The following IRAK2 variants were observed in gnomAD, a reference collection of about 807,000 sequenced individuals.
The protein encoded by IRAK2 is interleukin-1 receptor-associated kinase-like 2.
IRAK2 carries 57 observed loss-of-function variants against 72.0 expected under a neutral mutation model. The observed-to-expected ratio is 0.79, with a 90% CI of 0.64 to 0.99. The LOEUF is 0.99. IRAK2 is among the 50% of genes least tolerant of loss of function. IRAK2 has a pLI of 0.00. For missense variants in IRAK2, 790 were observed against 794.4 expected, an observed-to-expected ratio of 0.99 and a Z score of 0.07; for synonymous variants, 293 against 312.7, an observed-to-expected ratio of 0.94 and a Z score of 0.67.
chr3:10,182,321 C>T (rs1173945147), intron 2 of IRAK2, among the ~76,000 whole-genome samples: 8 of 143,216 alleles, frequency 5.6e-5, no homozygotes, highest in African/African-American at 1.8e-4. Context: ...CTCACTCTGT[C>T]GCCCAGCCTG....
intron 2 of IRAK2, among the ~76,000 whole-genome samples, chr3:10,180,252 C>T (rs1229513851): frequency 1.3e-5 from 2 of 152,104 alleles, no homozygotes; most frequent in Non-Finnish European, 2.9e-5. Flanking sequence ...CAGTCTTCTG[C>T]ATGTACTTAA....
chr3:10,209,722 A>G (rs1697489283), intron 4 of IRAK2, 30 bp downstream of exon 4: 1 of 1,337,886 alleles, frequency 7.5e-7, no homozygotes, highest in Non-Finnish European at 1.0e-6. Flanking sequence ...GCAGCCCCCA[A>G]GCCATGTCTC....
intron 2 of IRAK2, among the ~76,000 whole-genome samples, chr3:10,193,634 C>T (rs766167153): frequency 1.3e-5 from 2 of 152,084 alleles, no homozygotes; most frequent in Non-Finnish European, 2.9e-5. Flanking sequence ...AAAACAAAAA[C>T]AAAAAATCCA....
At chr3:10,193,897 C>T (rs1697222434) in intron 2 of IRAK2, among the ~76,000 whole-genome samples, 1 of 152,242 alleles carries the variant, frequency 6.6e-6, no homozygotes, top group African/African-American at 2.4e-5. Context: ...CGGGACTGTG[C>T]ACCAAGTTGC....
At chr3:10,221,172 C>T (rs1352274927) in intron 8 of IRAK2, among the ~76,000 whole-genome samples, 2 of 149,618 alleles carry the variant, frequency 1.3e-5, no homozygotes, top group African/African-American at 4.9e-5. Flanking sequence ...GCGGGCAGAT[C>T]ACGAGGTCAA....
At chr3:10,183,881 C>A (rs1458450064) in intron 2 of IRAK2, among the ~76,000 whole-genome samples, 1 of 152,194 alleles carries the variant, frequency 6.6e-6, no homozygotes, top group Admixed American at 6.6e-5. Context: ...CCTCTATTAG[C>A]CTTCCAGGTT....
intron 7 of IRAK2, among the ~76,000 whole-genome samples, chr3:10,218,805 G>C (rs1327345948): frequency 6.6e-6 from 1 of 152,172 alleles, no homozygotes; most frequent in Middle Eastern, 3.2e-3. Context: ...TTATACCCAA[G>C]GAAACTGAGG....
intron 9 of IRAK2, among the ~76,000 whole-genome samples, chr3:10,223,266 C>A (rs1030833549): frequency 3.9e-5 from 6 of 152,190 alleles, no homozygotes; most frequent in African/African-American, 1.4e-4. Flanking sequence ...CTTATTTGTT[C>A]ATCGCTGTCC....
chr3:10,183,319 T>C (rs932820602), intron 2 of IRAK2, among the ~76,000 whole-genome samples: 1 of 152,196 alleles, frequency 6.6e-6, no homozygotes, highest in African/African-American at 2.4e-5. Flanking sequence ...CTGCCTGGTC[T>C]GAATGGGTAG....
chr3:10,188,651 C>G (rs988129689), intron 2 of IRAK2, among the ~76,000 whole-genome samples: 1 of 151,972 alleles, frequency 6.6e-6, no homozygotes, highest in Admixed American at 6.6e-5. Context: ...CTGAGCCTCC[C>G]GAGTAGCTGG....
chr3:10,172,187 A>G (rs1047451129), intron 1 of IRAK2, among the ~76,000 whole-genome samples: 10 of 151,028 alleles, frequency 6.6e-5, no homozygotes, highest in Non-Finnish European at 1.5e-4. Flanking sequence ...TGGCTAACAC[A>G]GTGAAACCCC....
At chr3:10,195,960 G>A (rs1697256930) in intron 2 of IRAK2, among the ~76,000 whole-genome samples, 1 of 152,178 alleles carries the variant, frequency 6.6e-6, no homozygotes, top group African/African-American at 2.4e-5. Context: ...GGAAAGATGA[G>A]GACTGGGAGT....
At chr3:10,225,661 C>G (rs1697761329) in intron 9 of IRAK2, among the ~76,000 whole-genome samples, 1 of 151,622 alleles carries the variant, frequency 6.6e-6, no homozygotes, top group African/African-American at 2.4e-5. Context: ...CTGAGATTCA[C>G]AGAGCAATGC....
chr3:10,209,535 C>T (rs1350532122), intron 3 of IRAK2, 54 bp from the exon 4 acceptor site: 10 of 1,174,828 alleles, frequency 8.5e-6, no homozygotes, highest in Non-Finnish European at 1.1e-5. Flanking sequence ...GACCAGGATC[C>T]CTCCTGTCTT....
intron 4 of IRAK2, among the ~76,000 whole-genome samples, chr3:10,212,523 C>A (rs1465147937): frequency 6.6e-6 from 1 of 152,036 alleles, no homozygotes; most frequent in Non-Finnish European, 1.5e-5. Flanking sequence ...AGCTGTGGGA[C>A]CTCACTTCAG....
intron 4 of IRAK2, among the ~76,000 whole-genome samples, chr3:10,211,552 G>A (rs533299501): frequency 2.0e-5 from 3 of 152,286 alleles, no homozygotes; most frequent in Admixed American, 2.0e-4. Context: ...CTGGGAGGTT[G>A]AGGCTGCGGT....
In IRAK2 at chr3:10,226,499, A is replaced by T. The variant is rs11465919; in HGVS notation, c.1272+66A>T. The T allele has an allele frequency of 4.5e-3, 5,854 of 1,304,304 alleles. 209 individuals carry two copies. The African/African-American group carries it at 0.077, about 17-fold the overall frequency. The allele number at this position is 1,304,304 out of a possible 1,614,324, so 80.8% of individuals were successfully genotyped here. ...GCCTCACAGCTCTGTAGAGAGGGCAACGACCTCAATTCTAGCTAGTTTTAC... is the reference window on the plus strand; with the variant it reads ...GCCTCACAGCTCTGTAGAGAGGGCATCGACCTCAATTCTAGCTAGTTTTAC... On this transcript the variant is annotated intron_variant, in intron 10 of 12. Transcript: ENST00000256458.
intron 11 of IRAK2, among the ~76,000 whole-genome samples, chr3:10,237,929 CTGTGTGTGTGTG>C (rs138639711): frequency 7.0e-4 from 97 of 138,326 alleles, no homozygotes; most frequent in Non-Finnish European, 1.2e-3. Flanking sequence ...TATGTGTGCT[CTGTGTGTGTGTG>C]TGTGTGTGTG....
chr3:10,213,364 GGCACGGGAA>G lies in IRAK2; in HGVS notation c.689_697del (p.His230_Lys232del). 3 of 1,614,182 alleles carry G rather than the reference GGCACGGGAA, an allele frequency of 1.9e-6. No homozygotes were observed. Among genetic ancestry groups the G allele is most frequent in the Non-Finnish European group, 2.5e-6 (3 of 1,180,036 alleles). ...TTTGCTGACGTCTACAGAGGGCACA[GGCACGGGAA>G]GCCATTCGTCTTCAAGAAGCTCAGA... On this transcript the variant is annotated inframe_deletion, in exon 5 of 13. Transcript: ENST00000256458.
Sources: gnomAD v4.1 joint callset for allele counts (sites outside exome capture counted in the v4.1 genomes callset) on GRCh38, gnomAD v4.1.1 for gene constraint, MANE v1.5 for transcripts, NCBI Gene and HGNC (gene_info 2026-07-23, HGNC 2026-07-21) for gene names.